Variants in PCDHA10 observed in about 807,000 individuals in gnomAD.
PCDHA10 encodes protocadherin alpha-10.
Under a neutral mutation model 61.2 loss-of-function variants are expected in PCDHA10, and 45 were observed. The ratio of observed to expected loss-of-function variants is 0.74; its 90% confidence interval spans 0.58 to 0.94. PCDHA10 has a LOEUF of 0.94. PCDHA10 is among the 40% of genes least tolerant of loss of function. The pLI is 0.00. For synonymous variants in PCDHA10, 602 were observed against 548.8 expected (o/e 1.10, Z -1.35); for missense variants, 1,278 against 1,236.2 (o/e 1.03, Z -0.51).
chr5:140,963,109 T>G (rs1490746394), intron 1 of PCDHA10, among the ~76,000 whole-genome samples: 1 of 152,128 alleles, frequency 6.6e-6, no homozygotes, highest in Non-Finnish European at 1.5e-5. Context: ...TCAGGTTGCT[T>G]ATAATTAAAG....
chr5:140,882,798 A>G, intron 1 of PCDHA10: 1 of 1,614,236 alleles, frequency 6.2e-7, no homozygotes, highest in South Asian at 1.1e-5. Context: ...CCCAACGATT[A>G]TTTCACTTTG....
chr5:140,862,390 A>T (rs1325136355), intron 1 of PCDHA10: 3 of 349,930 alleles, frequency 8.6e-6, no homozygotes, highest in African/African-American at 6.4e-5. Context: ...ACGTCTCTTC[A>T]AGCTGGTGTC....
At chr5:140,987,588 A>G (rs1479484790) in intron 3 of PCDHA10, among the ~76,000 whole-genome samples, 1 of 152,220 alleles carries the variant, frequency 6.6e-6, no homozygotes, top group Non-Finnish European at 1.5e-5. Flanking sequence ...TGGGGAGAAT[A>G]GTGGTGTCTA....
At chr5:140,955,652 A>T (rs1452679583) in intron 1 of PCDHA10, among the ~76,000 whole-genome samples, 2 of 152,180 alleles carry the variant, frequency 1.3e-5, no homozygotes, top group African/African-American at 4.8e-5. Context: ...ATTAATACAC[A>T]TATGAATTTT....
intron 1 of PCDHA10, chr5:140,967,492 G>T (rs1554229617): frequency 3.1e-6 from 5 of 1,613,380 alleles, no homozygotes; most frequent in Non-Finnish European, 4.2e-6. Flanking sequence ...GTACGGCACA[G>T]ATCTCTGTGC....
intron 1 of PCDHA10, among the ~76,000 whole-genome samples, chr5:140,880,884 G>A (rs540368068): frequency 2.0e-5 from 3 of 152,304 alleles, no homozygotes; most frequent in South Asian, 4.1e-4. Flanking sequence ...ATAAAGAAAT[G>A]TAGGGCCAGA....
chr5:140,921,377 T>C (rs1368330420), intron 1 of PCDHA10, among the ~76,000 whole-genome samples: 2 of 152,172 alleles, frequency 1.3e-5, no homozygotes, highest in Non-Finnish European at 2.9e-5. Flanking sequence ...TATTTCTACA[T>C]ATTTGATAAA....
Position 140,925,879 on chromosome 5 carries a change from C to A in PCDHA10, c.2389-53070C>A, listed in dbSNP as rs138501139. Reference sequence around the variant, plus strand: ...GTTATTGCTATTGACTGGTTTATAACCTCCTCTTTCACCCAGATCGTCAAG... The same window carrying A: ...GTTATTGCTATTGACTGGTTTATAAACTCCTCTTTCACCCAGATCGTCAAG... On this transcript the variant is annotated intron_variant, in intron 1 of 3. Coordinates refer to ENST00000307360, the MANE Select transcript of PCDHA10 (RefSeq NM_018901.4). Among the ~76,000 whole-genome samples, 60 of 152,212 alleles carry A rather than the reference C, an allele frequency of 3.9e-4. No individual in the cohort carries two copies. In the East Asian group the frequency reaches 7.4e-3, roughly 19 times the overall value.
chr5:140,858,026 G>A lies in PCDHA10; in HGVS notation c.1978G>A (p.Ala660Thr), dbSNP rs2045118018. Residue 660 changes from alanine (A) to threonine (T), a missense_variant, in exon 1 of 4, where the codon GCC (alanine) becomes ACC (threonine). Ala to Thr is a moderately conservative substitution (Grantham distance 58, BLOSUM62 0). Coordinates refer to ENST00000307360, the MANE Select transcript of PCDHA10 (RefSeq NM_018901.4). ...GGACCATGGCGAGCCGTCGCTGACG[G>A]CCACGGCCACTGTGCTTGTGTCGCT... ...VKDHGEPSLT[A>T]TATVLVSLVE... The A allele has an allele frequency of 6.3e-7, 1 of 1,597,020 alleles. No individual in the cohort carries two copies. Among genetic ancestry groups the A allele is most frequent in the Non-Finnish European group, 8.6e-7 (1 of 1,167,216 alleles).
chr5:140,873,998 C>T (rs2054625298), intron 1 of PCDHA10, among the ~76,000 whole-genome samples: 1 of 152,166 alleles, frequency 6.6e-6, no homozygotes, highest in Non-Finnish European at 1.5e-5. Context: ...ATGTATGGTA[C>T]ATTGACCACT....
In PCDHA10 at chr5:141,011,225, A is replaced by G. The variant is rs962544716; in HGVS notation, c.*1288A>G. ...ATACAGTGAGCAGATTTTTCAATCT[A>G]CTAATTCTGTGACTTGTCTTGGTGT... On this transcript the variant is annotated 3_prime_UTR_variant, in exon 4 of 4. Transcript: ENST00000307360. 6.5e-6 allele frequency: 1 copy of G among 153,740 alleles called. No homozygotes were observed. Among genetic ancestry groups the G allele is most frequent in the South Asian group, 2.1e-4 (1 of 4,826 alleles). The allele number at this position is 153,740 out of a possible 1,614,324, so 9.5% of individuals were successfully genotyped here.
chr5:140,968,132 A>G, intron 1 of PCDHA10: 1 of 1,614,082 alleles, frequency 6.2e-7, no homozygotes, highest in Non-Finnish European at 8.5e-7. Flanking sequence ...GCGTACACTG[A>G]AGGTTGAGAT....
chr5:140,868,810 G>A lies in PCDHA10; in HGVS notation c.2388+10374G>A, dbSNP rs944762063. On this transcript the variant is annotated intron_variant, in intron 1 of 3. Transcript: ENST00000307360. Reference sequence around the variant, plus strand: ...GAATATTCCATAAATAAGCACGTTGGAAATATTTGGGGGAAGAAACCCAAA... The same window carrying A: ...GAATATTCCATAAATAAGCACGTTGAAAATATTTGGGGGAAGAAACCCAAA... 1.0e-4 allele frequency: 38 copies of A among 369,934 alleles called. No homozygotes were observed. The Admixed American group carries it at 1.3e-3, about 12-fold the overall frequency. The allele number at this position is 369,934 out of a possible 1,614,324, so 22.9% of individuals were successfully genotyped here.
intron 1 of PCDHA10, among the ~76,000 whole-genome samples, chr5:140,976,893 A>G (rs1240555240): frequency 2.0e-5 from 3 of 152,212 alleles, no homozygotes; most frequent in African/African-American, 7.2e-5. Context: ...GATACATGCA[A>G]CAGTATGTAA....
At chr5:140,897,782 T>G (rs1378743158) in intron 1 of PCDHA10, among the ~76,000 whole-genome samples, 6 of 152,182 alleles carry the variant, frequency 3.9e-5, no homozygotes, top group Admixed American at 3.9e-4. Flanking sequence ...CCACAATGGT[T>G]GAACTAGTTT....
chr5:140,896,008 T>C (rs1231092307), intron 1 of PCDHA10, among the ~76,000 whole-genome samples: 4 of 152,082 alleles, frequency 2.6e-5, no homozygotes, highest in Non-Finnish European at 4.4e-5. Flanking sequence ...ACAGGGTTTC[T>C]CCATGTTGGC....
intron 1 of PCDHA10, chr5:140,877,048 G>C (rs376952553): frequency 1.2e-5 from 19 of 1,612,558 alleles, no homozygotes; most frequent in African/African-American, 2.7e-5. Flanking sequence ...GCTAGACCAC[G>C]AGGAGCTGGA....
rs1026448396 is a variant in PCDHA10 at position 140,869,464 on chromosome 5, G to A, written c.2388+11028G>A. 1.1e-5 allele frequency: 18 copies of A among 1,614,080 alleles called. No individual in the cohort carries two copies. Among genetic ancestry groups the A allele is most frequent in the Non-Finnish European group, 1.4e-5 (17 of 1,180,040 alleles). ...GCCGCTGCAGGTTTTCCATGTGAAC[G>A]TGGAGGTGAAGGACATTAACGACAA... On this transcript the variant is annotated intron_variant, in intron 1 of 3. Transcript: ENST00000307360.
At chr5:140,957,252 A>C (rs557518275) in intron 1 of PCDHA10, among the ~76,000 whole-genome samples, 80 of 152,330 alleles carry the variant, frequency 5.3e-4, no homozygotes, top group African/African-American at 1.9e-3. Context: ...CCTAAAATTT[A>C]AATATGTAAG....
Sources: allele counts gnomAD v4.1 joint callset (sites outside exome capture counted in the v4.1 genomes callset), GRCh38; gene constraint gnomAD v4.1.1; transcripts MANE v1.5; gene names NCBI Gene and HGNC (gene_info 2026-07-23, HGNC 2026-07-21).